DSG4: variants seen among roughly 807,000 people sequenced by gnomAD.
DSG4 encodes the protein desmoglein-4.
A neutral mutation model predicts 93.1 loss-of-function variants in DSG4; 87 were observed. The observed-to-expected ratio is 0.93, with a 90% CI of 0.79 to 1.12. The LOEUF is 1.12. DSG4 is among the 50% of genes most tolerant of loss of function. DSG4 has a pLI of 0.00. For synonymous variants in DSG4, 432 were observed against 452.9 expected (o/e 0.95, Z 0.59); for missense variants, 1,373 against 1,285.7 (o/e 1.07, Z -1.04).
intron 5 of DSG4, 74 bp from the exon 6 acceptor site, chr18:31,390,581 TC>T: frequency 6.4e-7 from 1 of 1,571,292 alleles, no homozygotes; most frequent in Non-Finnish European, 8.7e-7. Context: ...AACCACTCTG[TC>T]TTCTTATGCC....
rs770034887 is a variant in DSG4, at chr18:31,409,574, G to A, written c.2056G>A (p.Ala686Thr). The A allele has an allele frequency of 6.2e-7, 1 of 1,614,196 alleles. No homozygotes were observed. The highest frequency in any genetic ancestry group is 1.1e-5 in the South Asian group (1 of 91,080). Reference protein sequence around the residue: ...GVMQSWRIEGAHPEDRDVSNI... With the variant: ...GVMQSWRIEGTHPEDRDVSNI... ...GATGCAGTCTTGGAGAATTGAAGGG[G>A]CCCATCCCGAGGACAGGGTAAGTGG... is the stretch of plus-strand genomic sequence containing the variant. The change falls in exon 13 of 16, where the codon GCC becomes ACC. Residue 686 changes from alanine (A) to threonine (T), a missense_variant. By Grantham distance (58) the Ala-to-Thr change is moderately conservative. Transcript: ENST00000308128.
rs1474083096 is a variant in DSG4, at chr18:31,386,826, G to A, written c.216+7G>A. On this transcript the variant is annotated splice_region_variant and intron_variant, in intron 3 of 15. Coordinates refer to ENST00000308128, the MANE Select transcript of DSG4 (RefSeq NM_177986.5). ...GAGGAACCCCATTGCCAAAGTAAGT[G>A]ATGAAGCAATCTGATGACAAATGCT... 1.1e-5 allele frequency: 17 copies of A among 1,612,988 alleles called. No individual in the cohort carries two copies. The highest frequency in any genetic ancestry group is 1.3e-5 in the Non-Finnish European group (15 of 1,179,144).
rs1568075955 is a variant in DSG4, at chr18:31,413,731, G to C, written c.*136G>C. The C allele has an allele frequency of 8.2e-7, 1 of 1,215,292 alleles. No individual in the cohort carries two copies. Among genetic ancestry groups the C allele is most frequent in the African/African-American group, 1.5e-5 (1 of 66,278 alleles). The allele number at this position is 1,215,292 out of a possible 1,614,324, so 75.3% of individuals were successfully genotyped here. A position where few individuals can be genotyped will look rare whatever the true frequency, so the allele number is the denominator to read the frequency against. On this transcript the variant is annotated 3_prime_UTR_variant, in exon 16 of 16. Transcript: ENST00000308128. ...TATTCTAAGGTCAATGCCATTATTT[G>C]ATTATACCATTTTGAGGGTGAATAT...
chr18:31,384,408 A>G (rs1346024758), intron 1 of DSG4, among the ~76,000 whole-genome samples: 1 of 152,180 alleles, frequency 6.6e-6, no homozygotes, highest in Non-Finnish European at 1.5e-5. Context: ...TGTATATTTC[A>G]TTACAGACAA....
intron 8 of DSG4, among the ~76,000 whole-genome samples, chr18:31,396,542 A>G (rs1002334703): frequency 1.3e-5 from 2 of 151,790 alleles, no homozygotes; most frequent in Admixed American, 1.3e-4. Flanking sequence ...TTCAGTAGAG[A>G]CGGGGTTTCA....
intron 8 of DSG4, among the ~76,000 whole-genome samples, chr18:31,396,721 C>T (rs1032312960): frequency 6.6e-6 from 1 of 152,096 alleles, no homozygotes; most frequent in Admixed American, 6.6e-5. Context: ...CTCAATTTAC[C>T]CAGGTGGTGA....
intron 14 of DSG4, chr18:31,411,027 A>G: frequency 6.9e-7 from 1 of 1,440,718 alleles, no homozygotes; most frequent in Middle Eastern, 2.3e-4. Flanking sequence ...CCCACCACTG[A>G]CTCCCTCTGT....
At chr18:31,407,034 C>G (rs2072436230) in intron 12 of DSG4, among the ~76,000 whole-genome samples, 1 of 152,008 alleles carries the variant, frequency 6.6e-6, no homozygotes, top group Non-Finnish European at 1.5e-5. Context: ...CCTTGGGCTC[C>G]CAAAGTGCTG....
chr18:31,376,965 T>C lies in DSG4; in HGVS notation c.48+6T>C. 2 of 1,613,144 alleles carry C rather than the reference T, an allele frequency of 1.2e-6. No individual in the cohort carries two copies. The highest frequency in any genetic ancestry group is 1.7e-6 in the Non-Finnish European group (2 of 1,179,426). The stretch of plus-strand genomic sequence containing the variant: ...GCCTTTTGATCATTCTAATGGTAAG[T>C]AGAATTTAAAGAGGTGGGAAGGAAA... On this transcript the variant is annotated splice_donor_region_variant and intron_variant, in intron 1 of 15. Transcript: ENST00000308128.
intron 12 of DSG4, among the ~76,000 whole-genome samples, chr18:31,408,886 T>C (rs1485868558): frequency 2.0e-5 from 3 of 152,212 alleles, no homozygotes; most frequent in Non-Finnish European, 4.4e-5. Flanking sequence ...GGAAATTTCC[T>C]CTTAAGAAAC....
At chr18:31,409,687 A>C (rs1358376508) in intron 13 of DSG4, 58 bp from the exon 14 acceptor site, 7 of 1,613,904 alleles carry the variant, frequency 4.3e-6, no homozygotes, top group Admixed American at 3.3e-5. Flanking sequence ...AACAGATGTC[A>C]GTTTTTAAAT....
intron 1 of DSG4, among the ~76,000 whole-genome samples, chr18:31,380,187 T>C (rs913023380): frequency 6.6e-6 from 1 of 152,190 alleles, no homozygotes; most frequent in Non-Finnish European, 1.5e-5. Flanking sequence ...CAAGAATATC[T>C]ACCTATTGAC....
chr18:31,394,578 A>G (rs963791848), intron 8 of DSG4, among the ~76,000 whole-genome samples: 5 of 152,140 alleles, frequency 3.3e-5, no homozygotes, highest in African/African-American at 1.2e-4. Context: ...ACTTAACAAC[A>G]TGAGTTCAAC....
At chr18:31,398,496 C>T (rs558385743) in intron 8 of DSG4, among the ~76,000 whole-genome samples, 135 of 152,334 alleles carry the variant, frequency 8.9e-4, no homozygotes, top group African/African-American at 3.1e-3. Flanking sequence ...ATCTTGACTT[C>T]TGCTGTTGGA....
In DSG4 at chr18:31,414,056, A is replaced by G. The variant is rs897938206; in HGVS notation, c.*461A>G. On this transcript the variant is annotated 3_prime_UTR_variant, in exon 16 of 16. Coordinates refer to ENST00000308128, the MANE Select transcript of DSG4 (RefSeq NM_177986.5). ...AATGAAATGTACATTCTGAAAGGAA[A>G]TTGAAAAGGAACGTAGAGTATCTGT... 6.3e-6 allele frequency: 1 copy of G among 159,834 alleles called. No individual in the cohort carries two copies. The highest frequency in any genetic ancestry group is 2.4e-5 in the African/African-American group (1 of 41,488). The allele number at this position is 159,834 out of a possible 1,614,324, so 9.9% of individuals were successfully genotyped here.
At chr18:31,389,064 C>A (rs1277946308) in intron 5 of DSG4, 46 bp downstream of exon 5, 1 of 1,605,384 alleles carries the variant, frequency 6.2e-7, no homozygotes, top group Admixed American at 1.7e-5. Context: ...ATATCTACTT[C>A]TCTTGGTCAA....
At chr18:31,382,380 C>G (rs890855202) in intron 1 of DSG4, 1 of 152,186 alleles carries the variant, frequency 6.6e-6, no homozygotes, top group African/African-American at 2.4e-5. Context: ...GGTCAAGCTC[C>G]TTGTTCTATT....
chr18:31,390,630 T>G, intron 5 of DSG4, 26 bp from the exon 6 acceptor site: 1 of 1,612,900 alleles, frequency 6.2e-7, no homozygotes. Flanking sequence ...GTCCCAACCA[T>G]TCTCCACCTC....
At chr18:31,387,110 G>A (rs1271164725) in intron 3 of DSG4, among the ~76,000 whole-genome samples, 1 of 152,196 alleles carries the variant, frequency 6.6e-6, no homozygotes, top group Non-Finnish European at 1.5e-5. Flanking sequence ...CATAGGAAAC[G>A]TATTCACATA....
Sources: allele counts gnomAD v4.1 joint callset (sites outside exome capture counted in the v4.1 genomes callset), GRCh38; gene constraint gnomAD v4.1.1; transcripts MANE v1.5; gene names NCBI Gene and HGNC (gene_info 2026-07-23, HGNC 2026-07-21).